Variants in ASAP3 observed in about 807,000 individuals in gnomAD.
ASAP3 encodes ArfGAP with SH3 domain, ankyrin repeat and PH domain 3.
In ASAP3, 85 loss-of-function variants were observed where a neutral mutation model predicts 118.2. The observed-to-expected ratio is 0.72, with a 90% CI of 0.60 to 0.86. The LOEUF is 0.86. Ranked by LOEUF, ASAP3 falls within the 40% of genes least tolerant of loss-of-function variation. The pLI, the probability that ASAP3 is intolerant of heterozygous loss-of-function variation, is 0.00. For synonymous variants in ASAP3, 432 were observed against 477.4 expected (o/e 0.90, Z 1.24); for missense variants, 1,026 against 1,175.0 (o/e 0.87, Z 1.85).
chr1:23,451,647 T>G (rs1641218765), intron 4 of ASAP3, 119 bp from the exon 5 acceptor site: 1 of 1,112,820 alleles, frequency 9.0e-7, no homozygotes, highest in Admixed American at 2.0e-5. Flanking sequence ...TCAGAGCCCT[T>G]CTCTAACCAG....
In ASAP3 at chr1:23,452,742, G is replaced by T; in HGVS notation, c.378C>A (p.Phe126Leu). ...GCCCCTTCATCAGACTGTCCAGGGG[G>T]AAAGAGACAATGTTGTTCAAGTTCT... is the stretch of plus-strand genomic sequence containing the variant. Reference protein sequence around the residue: ...LIQNLNNIVSFPLDSLMKGQL... With the variant: ...LIQNLNNIVSLPLDSLMKGQL... Residue 126 changes from phenylalanine to leucine, a missense_variant, in exon 4 of 25, where the codon TTC becomes TTA. Phe to Leu is a conservative substitution (Grantham distance 22, BLOSUM62 0). Transcript: ENST00000336689. 6.2e-7 allele frequency: 1 copy of T among 1,613,942 alleles called. No individual in the cohort carries two copies. The highest frequency in any genetic ancestry group is 8.5e-7 in the Non-Finnish European group (1 of 1,180,024).
chr1:23,484,059 G>A lies in ASAP3; in HGVS notation c.75C>T (p.Ala25=). 1.5e-6 allele frequency: 2 copies of A among 1,351,670 alleles called. No individual in the cohort carries two copies. Among genetic ancestry groups the A allele is most frequent in the Non-Finnish European group, 1.9e-6 (2 of 1,052,406 alleles). The allele number at this position is 1,351,670 out of a possible 1,614,324, so 83.7% of individuals were successfully genotyped here. A position where few individuals can be genotyped will look rare whatever the true frequency, so the allele number is the denominator to read the frequency against. ...ACCGGGGCATCTTGGCGGCGAAGGC[G>A]GCGGCCCCAGCCGGGGAGCTGAGGT... ...AEDLSSPAGA[A]AFAAKMPRYR... Residue 25 remains alanine (A), a synonymous_variant, in exon 1 of 25, where the codon GCC becomes GCT. Transcript: ENST00000336689.
In ASAP3 at chr1:23,452,678, TC is replaced by T; in HGVS notation, c.423+18del. ...CTCTTTTACTCTGTCCCACCACCAC[TC>T]CCAGCATGGAGACTCACCTGTCGAC... is the stretch of plus-strand genomic sequence containing the variant. On this transcript the variant is annotated intron_variant, in intron 4 of 24. Transcript: ENST00000336689. 6.3e-7 allele frequency: 1 copy of T among 1,596,934 alleles called. No homozygotes were observed. Among genetic ancestry groups the T allele is most frequent in the Non-Finnish European group, 8.6e-7 (1 of 1,167,564 alleles).
chr1:23,477,835 T>A (rs1642182923), intron 1 of ASAP3, among the ~76,000 whole-genome samples: 1 of 152,152 alleles, frequency 6.6e-6, no homozygotes. Context: ...CACCTCGGCC[T>A]CCCAAAGTGC....
At chr1:23,470,889 T>C (rs2148657458) in intron 1 of ASAP3, among the ~76,000 whole-genome samples, 1 of 152,304 alleles carries the variant, frequency 6.6e-6, no homozygotes, top group East Asian at 1.9e-4. Context: ...GGCTGGGATT[T>C]TCCTCAGGAG....
chr1:23,484,177 A>G lies in ASAP3; in HGVS notation c.-44T>C, dbSNP rs1042451587. 43 of 1,238,456 alleles carry G rather than the reference A, an allele frequency of 3.5e-5. No homozygotes were observed. The highest frequency in any genetic ancestry group is 3.9e-5 in the Non-Finnish European group (39 of 991,244). 76.7% of individuals were successfully genotyped at this position (1,238,456 alleles called of 1,614,324 possible). On this transcript the variant is annotated 5_prime_UTR_variant, in exon 1 of 25. Transcript: ENST00000336689. Reference sequence around the variant, plus strand: ...GCTGCCGGAGCGGGGCGCGGGGGGCACTGAGCTGCTCCGCGCTGAGCCGGC... The same window carrying G: ...GCTGCCGGAGCGGGGCGCGGGGGGCGCTGAGCTGCTCCGCGCTGAGCCGGC...
chr1:23,447,583 T>C (rs1641089556), intron 5 of ASAP3, among the ~76,000 whole-genome samples: 1 of 152,144 alleles, frequency 6.6e-6, no homozygotes, highest in Non-Finnish European at 1.5e-5. Context: ...GATAATATAA[T>C]GCATAGGAAA....
chr1:23,437,029 C>A lies in ASAP3; in HGVS notation c.1358G>T (p.Ser453Ile). Residue 453 changes from serine (S) to isoleucine (I), a missense_variant, in exon 15 of 25, where the codon AGC (serine) becomes ATC (isoleucine). Coordinates refer to ENST00000336689, the MANE Select transcript of ASAP3 (RefSeq NM_017707.4). The surrounding 1 kb of genome is among the most constrained non-coding windows in gnomAD (Gnocchi z 6.1). Reference protein sequence around the residue: ...DCGAADPTWLSTNLGVLTCIQ... With the variant: ...DCGAADPTWLITNLGVLTCIQ... ...GCAGGTGAGCACGCCCAGGTTGGTG[C>A]TGAGCCACGTGGGGTCTGCAGAGGA... 1 of 1,611,378 alleles carries A rather than the reference C, an allele frequency of 6.2e-7. No homozygotes were observed. The highest frequency in any genetic ancestry group is 8.5e-7 in the Non-Finnish European group (1 of 1,179,252).
At position 23,435,785 on chromosome 1, in the gene ASAP3, C is replaced by T. The variant is rs149057316; in HGVS notation, c.1749+66G>A. 202 of 1,581,374 alleles carry T rather than the reference C, an allele frequency of 1.3e-4. No homozygotes were observed. The African/African-American group carries it at 2.5e-3, about 19-fold the overall frequency. On this transcript the variant is annotated intron_variant, in intron 17 of 24. Transcript: ENST00000336689. ...GGGGTGGAGGGGAGTAACAGCTGGT[C>T]CTGGAGAAGAACTGGGGAATATGTT... is the stretch of plus-strand genomic sequence containing the variant.
intron 1 of ASAP3, among the ~76,000 whole-genome samples, chr1:23,458,903 G>C (rs370334844): frequency 2.6e-5 from 4 of 152,220 alleles, no homozygotes; most frequent in Admixed American, 6.5e-5. Context: ...CAGCACAGTG[G>C]CTCACGCCTG....
At chr1:23,453,232 C>T (rs1157726950) in intron 3 of ASAP3, among the ~76,000 whole-genome samples, 3 of 152,186 alleles carry the variant, frequency 2.0e-5, no homozygotes, top group Admixed American at 1.3e-4. Flanking sequence ...GGCTGGCTAA[C>T]GCTTCAGAGC....
intron 1 of ASAP3, among the ~76,000 whole-genome samples, chr1:23,470,288 G>C (rs150347133): frequency 8.5e-4 from 130 of 152,342 alleles, no homozygotes; most frequent in African/African-American, 3.0e-3. Context: ...CAGCAAGAGT[G>C]AGCCAAAGAC....
At chr1:23,446,933 A>G (rs184675752) in intron 5 of ASAP3, among the ~76,000 whole-genome samples, 374 of 151,546 alleles carry the variant, frequency 2.5e-3, no homozygotes, top group Non-Finnish European at 4.0e-3. Flanking sequence ...AGGGTGGGGG[A>G]GGGTGGTTTT....
Position 23,455,936 on chromosome 1 carries a change from C to G in ASAP3, c.293G>C (p.Gly98Ala), listed in dbSNP as rs774900879. 1 of 1,614,152 alleles carries G rather than the reference C, an allele frequency of 6.2e-7. No individual in the cohort carries two copies. The highest frequency in any genetic ancestry group is 8.5e-7 in the Non-Finnish European group (1 of 1,180,016). Residue 98 changes from glycine to alanine, a missense_variant, in exon 3 of 25, where the codon GGC becomes GCC. Gly to Ala is a moderately conservative substitution (Grantham distance 60). Transcript: ENST00000336689. ...LSQNSHELST[G>A]FLNLAVFTRE... ...GGTGAACACGGCCAAGTTTAGGAAG[C>G]CTGTGGACAGCTCATGGCTGTTCTG... is the stretch of plus-strand genomic sequence containing the variant.
intron 24 of ASAP3, 87 bp from the exon 25 acceptor site, chr1:23,430,017 T>G: frequency 9.2e-7 from 1 of 1,088,664 alleles, no homozygotes; most frequent in Non-Finnish European, 1.3e-6. Context: ...TCTGTCCTAT[T>G]GTAGATAAAT....
At chr1:23,433,339 T>G in intron 21 of ASAP3, 67 bp from the exon 22 acceptor site, 1 of 1,611,170 alleles carries the variant, frequency 6.2e-7, no homozygotes, top group Non-Finnish European at 8.5e-7. Flanking sequence ...TCCCCCCGCC[T>G]CACCGCCCCC....
intron 19 of ASAP3, 142 bp downstream of exon 19, chr1:23,434,111 TG>T: frequency 1.3e-6 from 1 of 763,936 alleles, no homozygotes; most frequent in South Asian, 1.8e-5. Flanking sequence ...ATGAGGAAGC[TG>T]AAATTCAAGA....
chr1:23,433,190 G>C lies in ASAP3; in HGVS notation c.2210C>G (p.Ala737Gly), dbSNP rs1640505012. The change falls in exon 22 of 25, where the codon GCC becomes GGC. Residue 737 changes from alanine (A) to glycine (G), a missense_variant. Coordinates refer to ENST00000336689, the MANE Select transcript of ASAP3 (RefSeq NM_017707.4). ...DISNKTYETV[A>G]SLGAATPQGE... ...CTGAGGGGTGGCTGCTCCCAGGCTG[G>C]CGACAGTCTCATAGGTCTTGTTGCT... 6.2e-7 allele frequency: 1 copy of C among 1,614,174 alleles called. No individual in the cohort carries two copies. Among genetic ancestry groups the C allele is most frequent in the Non-Finnish European group, 8.5e-7 (1 of 1,180,036 alleles).
At chr1:23,430,421 T>C (rs573732668) in intron 24 of ASAP3, among the ~76,000 whole-genome samples, 19 of 152,208 alleles carry the variant, frequency 1.2e-4, no homozygotes, top group Non-Finnish European at 2.5e-4. Flanking sequence ...TATGCCATTG[T>C]TGGAGACTTG....
Sources: allele counts gnomAD v4.1 joint callset (sites outside exome capture counted in the v4.1 genomes callset), GRCh38; gene constraint gnomAD v4.1.1; non-coding constraint Gnocchi (gnomAD v3.1); transcripts MANE v1.5; gene names NCBI Gene and HGNC (gene_info 2026-07-23, HGNC 2026-07-21).